CADM1: variants seen among roughly 807,000 people sequenced by gnomAD.
CADM1 encodes cell adhesion molecule 1.
Under a neutral mutation model 53.1 loss-of-function variants are expected in CADM1, and 15 were observed. The observed-to-expected ratio is 0.28, with a 90% confidence interval of 0.19 to 0.44. The LOEUF (loss-of-function observed/expected upper bound fraction) is 0.44. CADM1 is among the 20% of genes least tolerant of loss of function. CADM1 has a pLI of 1.00. For synonymous variants in CADM1, 281 were observed against 243.0 expected, an observed-to-expected ratio of 1.16 and a Z score of -1.45; for missense variants, 434 against 611.3, an observed-to-expected ratio of 0.71 and a Z score of 3.06.
chr11:115,334,688 CCT>C (rs565436555), intron 1 of CADM1, among the ~76,000 whole-genome samples: 33 of 152,054 alleles, frequency 2.2e-4, no homozygotes, highest in African/African-American at 7.2e-4. Context: ...GAATACATCC[CCT>C]GAGAATAAAG....
intron 1 of CADM1, among the ~76,000 whole-genome samples, chr11:115,243,496 C>T (rs1194009341): frequency 3.3e-5 from 5 of 152,132 alleles, no homozygotes; most frequent in African/African-American, 1.2e-4. Context: ...GAGCTCCACA[C>T]TTTAAGGCAC....
chr11:115,174,735 T>C lies in CADM1; in HGVS notation c.*1739A>G, dbSNP rs1363370375. ...CCAAAATTACTCACTGAAAATGTAATAGAATATATATTTATATATATATAT... is the reference window on the plus strand; with the variant it reads ...CCAAAATTACTCACTGAAAATGTAACAGAATATATATTTATATATATATAT... On this transcript the variant is annotated 3_prime_UTR_variant, in exon 12 of 12. Transcript: ENST00000331581. 8 of 882,378 alleles carry C rather than the reference T, an allele frequency of 9.1e-6. No homozygotes were observed. The highest frequency in any genetic ancestry group is 1.2e-4 in the East Asian group (1 of 8,326). 54.7% of individuals were successfully genotyped at this position (882,378 alleles called of 1,614,324 possible).
intron 1 of CADM1, among the ~76,000 whole-genome samples, chr11:115,479,526 T>C (rs541230974): frequency 6.8e-4 from 104 of 152,180 alleles, no homozygotes; most frequent in African/African-American, 2.4e-3. Context: ...GAAATTCAAA[T>C]ACAAAAAGTC....
chr11:115,278,950 G>A (rs1236508840), intron 1 of CADM1, among the ~76,000 whole-genome samples: 2 of 152,212 alleles, frequency 1.3e-5, no homozygotes, highest in Non-Finnish European at 2.9e-5. Flanking sequence ...AAGATGGGAA[G>A]CCTGGAGGAC....
intron 1 of CADM1, among the ~76,000 whole-genome samples, chr11:115,368,951 T>C (rs1336237091): frequency 6.9e-6 from 1 of 144,378 alleles, no homozygotes. Context: ...CCCAATTTAG[T>C]AGTGCAGTTC....
At chr11:115,312,172 G>C (rs1430908322) in intron 1 of CADM1, among the ~76,000 whole-genome samples, 1 of 152,138 alleles carries the variant, frequency 6.6e-6, no homozygotes, top group Non-Finnish European at 1.5e-5. Flanking sequence ...AGTGAGCCGG[G>C]AAAGGTGGCA....
intron 1 of CADM1, among the ~76,000 whole-genome samples, chr11:115,497,975 CA>C (rs766633630): frequency 0.092 from 6,679 of 72,294 alleles, 237 homozygotes; most frequent in African/African-American, 0.2. Context: ...GAAAGAGCCT[CA>C]AAAAAAAAAA....
intron 3 of CADM1, among the ~76,000 whole-genome samples, chr11:115,233,261 G>A (rs1386583338): frequency 6.6e-6 from 1 of 152,096 alleles, no homozygotes; most frequent in Non-Finnish European, 1.5e-5. Context: ...GCCCAAATGA[G>A]TAGTTAAACA....
chr11:115,399,336 T>G (rs1947079332), intron 1 of CADM1: 1 of 152,172 alleles, frequency 6.6e-6, no homozygotes, highest in South Asian at 2.1e-4. Flanking sequence ...AGAAGCAAAG[T>G]GTTTACAAGA....
chr11:115,208,549 G>A (rs1267303997), intron 8 of CADM1, among the ~76,000 whole-genome samples: 2 of 152,222 alleles, frequency 1.3e-5, no homozygotes, highest in Admixed American at 1.3e-4. Flanking sequence ...TCCAGAGACA[G>A]GGGTGGGTAC....
rs1428225395 is a variant in CADM1, at chr11:115,170,863, C to T, written c.*5611G>A. The T allele has an allele frequency of 1.3e-5, 2 of 152,134 alleles. No individual in the cohort carries two copies. Among genetic ancestry groups the T allele is most frequent in the African/African-American group, 4.8e-5 (2 of 41,428 alleles). 9.4% of individuals were successfully genotyped at this position (152,134 alleles called of 1,614,324 possible). ...TAAACTCAGGACTGGCTGGCTTGTC[C>T]CTTCACGGCCAACCTGAAAGCCACC... is the stretch of plus-strand genomic sequence containing the variant. On this transcript the variant is annotated 3_prime_UTR_variant, in exon 12 of 12. Transcript: ENST00000331581.
At chr11:115,201,852 C>A (rs1021597351) in intron 8 of CADM1, among the ~76,000 whole-genome samples, 3 of 152,026 alleles carry the variant, frequency 2.0e-5, no homozygotes, top group African/African-American at 4.8e-5. Flanking sequence ...ACAAAGAGAG[C>A]AAATTTATTA....
At chr11:115,235,615 T>G (rs1358890963) in intron 3 of CADM1, among the ~76,000 whole-genome samples, 1 of 152,194 alleles carries the variant, frequency 6.6e-6, no homozygotes, top group African/African-American at 2.4e-5. Flanking sequence ...ACATTACGCC[T>G]ACAACATTTA....
rs534827647 is a variant in CADM1, at chr11:115,346,842, T to C, written c.125-106422A>G. ...TCCAGTTTAGAAGAGTGACCATTACTAGCAACAACTGTTAGCAAACTGCCT... is the reference window on the plus strand; with the variant it reads ...TCCAGTTTAGAAGAGTGACCATTACCAGCAACAACTGTTAGCAAACTGCCT... On this transcript the variant is annotated intron_variant, in intron 1 of 11. Coordinates refer to ENST00000331581, the MANE Select transcript of CADM1 (RefSeq NM_001301043.2). 5.9e-5 allele frequency among the ~76,000 whole-genome samples: 9 copies of C among 152,274 alleles called. No homozygotes were observed. The South Asian group carries it at 1.7e-3, about 28-fold the overall frequency.
chr11:115,459,279 T>C (rs182047784), intron 1 of CADM1, among the ~76,000 whole-genome samples: 33 of 152,318 alleles, frequency 2.2e-4, no homozygotes, highest in African/African-American at 7.5e-4. Flanking sequence ...ATCAGTGTAT[T>C]ACGTGTGTTC....
chr11:115,251,374 T>C (rs1157773005), intron 1 of CADM1, among the ~76,000 whole-genome samples: 2 of 151,002 alleles, frequency 1.3e-5, no homozygotes, highest in African/African-American at 4.9e-5. Flanking sequence ...CAAGTAAGGA[T>C]ATCAGTTGGA....
At chr11:115,323,996 G>A (rs1944892973) in intron 1 of CADM1, among the ~76,000 whole-genome samples, 1 of 150,926 alleles carries the variant, frequency 6.6e-6, no homozygotes, top group Non-Finnish European at 1.5e-5. Flanking sequence ...AAAGAACCCA[G>A]AAGGAGTTCA....
At chr11:115,498,751 G>A (rs577760689) in intron 1 of CADM1, among the ~76,000 whole-genome samples, 19 of 152,174 alleles carry the variant, frequency 1.2e-4, no homozygotes, top group South Asian at 6.2e-4. Context: ...GCAAAAATTC[G>A]GTACATCCAG....
At chr11:115,482,117 A>G (rs1418982574) in intron 1 of CADM1, among the ~76,000 whole-genome samples, 2 of 152,004 alleles carry the variant, frequency 1.3e-5, no homozygotes, top group Admixed American at 6.6e-5. Flanking sequence ...TCCGCCCATT[A>G]TCTCTCTACC....
Sources: gnomAD v4.1 joint callset for allele counts (sites outside exome capture counted in the v4.1 genomes callset) on GRCh38, gnomAD v4.1.1 for gene constraint, MANE v1.5 for transcripts, NCBI Gene and HGNC (gene_info 2026-07-23, HGNC 2026-07-21) for gene names.